JAZF1: variants seen among roughly 807,000 people sequenced by gnomAD.
The protein encoded by JAZF1 is JAZF zinc finger 1.
In JAZF1, 8 loss-of-function variants were observed where a neutral mutation model predicts 26.4. The observed-to-expected ratio is 0.30, with a 90% CI of 0.18 to 0.55. JAZF1 has a LOEUF of 0.55. JAZF1 is among the 20% of genes least tolerant of loss of function. The pLI, the probability that JAZF1 is intolerant of heterozygous loss-of-function variation, is 0.94. For missense variants in JAZF1, 199 were observed against 322.0 expected, an observed-to-expected ratio of 0.62 and a Z score of 2.92; for synonymous variants, 126 against 122.3, an observed-to-expected ratio of 1.03 and a Z score of -0.20.
intron 1 of JAZF1, among the ~76,000 whole-genome samples, chr7:28,130,631 G>A (rs1782778522): frequency 6.6e-6 from 1 of 152,160 alleles, no homozygotes; most frequent in Non-Finnish European, 1.5e-5. Context: ...AAACATGGAC[G>A]CTACTAAACA....
chr7:27,914,054 C>T (rs1784405132), intron 2 of JAZF1, among the ~76,000 whole-genome samples: 2 of 152,088 alleles, frequency 1.3e-5, no homozygotes, highest in African/African-American at 4.8e-5. Flanking sequence ...GGCGGGAGAA[C>T]TGAGAGAGAA....
chr7:28,003,416 A>G (rs908199378), intron 1 of JAZF1, among the ~76,000 whole-genome samples: 1 of 152,194 alleles, frequency 6.6e-6, no homozygotes, highest in African/African-American at 2.4e-5. Context: ...GACTTTCTCC[A>G]GAATTAGTTA....
intron 1 of JAZF1, among the ~76,000 whole-genome samples, chr7:28,150,948 G>T (rs950384700): frequency 6.6e-6 from 1 of 152,144 alleles, no homozygotes; most frequent in South Asian, 2.1e-4. Context: ...TGAAGAATTT[G>T]TAACTAGAAG....
In JAZF1 at chr7:28,119,934, T is replaced by C. The variant is rs117490475; in HGVS notation, c.115+60529A>G. On this transcript the variant is annotated intron_variant, in intron 1 of 4. Transcript: ENST00000283928. ...GTATCAACAGTTATATTCTACTGTATTGATACATTCAATGATGCCTAACAA... is the reference window on the plus strand; with the variant it reads ...GTATCAACAGTTATATTCTACTGTACTGATACATTCAATGATGCCTAACAA... 8.1e-3 allele frequency among the ~76,000 whole-genome samples: 1,241 copies of C among 152,316 alleles called. 11 individuals are homozygous for C. The highest frequency in any genetic ancestry group is 0.011 in the Non-Finnish European group (745 of 68,016).
chr7:27,918,333 C>T (rs530567198), intron 2 of JAZF1, among the ~76,000 whole-genome samples: 3 of 152,256 alleles, frequency 2.0e-5, no homozygotes, highest in South Asian at 4.1e-4. Flanking sequence ...ACATCTTCAT[C>T]ATCACTCCAG....
chr7:28,097,254 T>C (rs1784400971), intron 1 of JAZF1, among the ~76,000 whole-genome samples: 1 of 152,202 alleles, frequency 6.6e-6, no homozygotes. Context: ...AATAACTGCA[T>C]GTTACCACAG....
intron 1 of JAZF1, among the ~76,000 whole-genome samples, chr7:28,013,158 G>A (rs1782826713): frequency 6.6e-6 from 1 of 152,152 alleles, no homozygotes; most frequent in South Asian, 2.1e-4. Context: ...AGACACCTGA[G>A]TGCACCCCCG....
At chr7:28,068,116 T>C (rs920217652) in intron 1 of JAZF1, among the ~76,000 whole-genome samples, 5 of 152,044 alleles carry the variant, frequency 3.3e-5, no homozygotes, top group Non-Finnish European at 7.4e-5. Context: ...GGTTTCACCA[T>C]GTTAGCCAGG....
At chr7:28,172,120 G>A (rs1444026941) in intron 1 of JAZF1, among the ~76,000 whole-genome samples, 1 of 152,054 alleles carries the variant, frequency 6.6e-6, no homozygotes, top group Non-Finnish European at 1.5e-5. Flanking sequence ...TACTTCTTTT[G>A]GGCTGTATAC....
intron 1 of JAZF1, among the ~76,000 whole-genome samples, chr7:28,079,768 A>G (rs1318227481): frequency 6.6e-6 from 1 of 152,204 alleles, no homozygotes; most frequent in Non-Finnish European, 1.5e-5. Flanking sequence ...TCTCATCACA[A>G]CATCCAATAT....
At chr7:28,091,010 T>G (rs886828552) in intron 1 of JAZF1, among the ~76,000 whole-genome samples, 11 of 150,760 alleles carry the variant, frequency 7.3e-5, no homozygotes, top group African/African-American at 2.4e-4. Context: ...GTATTTTTAG[T>G]AGAGACGGGG....
chr7:28,073,406 C>CCCT (rs1361882261), intron 1 of JAZF1, among the ~76,000 whole-genome samples: 4 of 152,262 alleles, frequency 2.6e-5, no homozygotes, highest in African/African-American at 9.6e-5. Context: ...TTCTCTCAGG[C>CCCT]AAGGGCGCAC....
chr7:28,110,865 T>A (rs1362079926), intron 1 of JAZF1, among the ~76,000 whole-genome samples: 1 of 152,140 alleles, frequency 6.6e-6, no homozygotes, highest in Non-Finnish European at 1.5e-5. Flanking sequence ...CTGGGAGCCT[T>A]GCCTGGGAGG....
chr7:27,913,756 C>G (rs952671969), intron 2 of JAZF1, among the ~76,000 whole-genome samples: 1 of 151,280 alleles, frequency 6.6e-6, no homozygotes, highest in Non-Finnish European at 1.5e-5. Context: ...CTTCTTCTTA[C>G]TATAATTGAA....
intron 2 of JAZF1, among the ~76,000 whole-genome samples, chr7:27,975,765 A>G (rs138454943): frequency 2.6e-5 from 4 of 152,354 alleles, no homozygotes; most frequent in African/African-American, 9.6e-5. Context: ...GATGCATAAA[A>G]AGATCAGTCA....
intron 1 of JAZF1, among the ~76,000 whole-genome samples, chr7:28,107,718 T>C (rs981259122): frequency 6.6e-6 from 1 of 152,154 alleles, no homozygotes; most frequent in Non-Finnish European, 1.5e-5. Context: ...TGCCATTCAA[T>C]AGTGGTTCAA....
At chr7:28,023,063 AT>A (rs1783033506) in intron 1 of JAZF1, among the ~76,000 whole-genome samples, 1 of 152,242 alleles carries the variant, frequency 6.6e-6, no homozygotes, top group Admixed American at 6.5e-5. Context: ...AAATAATGGT[AT>A]ACAATAATGA....
chr7:28,110,537 GA>G (rs1301656706), intron 1 of JAZF1, among the ~76,000 whole-genome samples: 1 of 102,238 alleles, frequency 9.8e-6, no homozygotes, highest in Admixed American at 1.2e-4. Flanking sequence ...AAAAGGAAAG[GA>G]AAAGGAAAAG....
chr7:28,044,834 T>C (rs1256646541), intron 1 of JAZF1, among the ~76,000 whole-genome samples: 1 of 151,988 alleles, frequency 6.6e-6, no homozygotes, highest in East Asian at 2.0e-4. Flanking sequence ...AGGATACAGA[T>C]TGAGAGACAT....
Sources: allele counts gnomAD v4.1 joint callset (sites outside exome capture counted in the v4.1 genomes callset), GRCh38; gene constraint gnomAD v4.1.1; transcripts MANE v1.5; gene names NCBI Gene and HGNC (gene_info 2026-07-23, HGNC 2026-07-21).